Variants in TTK observed in about 807,000 individuals in gnomAD.
TTK encodes TTK protein kinase, also known as dual specificity protein kinase TTK.
In TTK, 59 loss-of-function variants were observed where a neutral mutation model predicts 117.3. The ratio of observed to expected loss-of-function variants is 0.50; its 90% confidence interval spans 0.41 to 0.62. The LOEUF is 0.62. Among genes scored for constraint, TTK ranks in the 20% least tolerant of loss-of-function variants. The pLI is 0.00. For synonymous variants in TTK, 302 were observed against 325.0 expected, an observed-to-expected ratio of 0.93 and a Z score of 0.76; for missense variants, 921 against 989.4, an observed-to-expected ratio of 0.93 and a Z score of 0.93.
At chr6:80,039,075 A>G (rs1767979543) in intron 18 of TTK, among the ~76,000 whole-genome samples, 1 of 152,086 alleles carries the variant, frequency 6.6e-6, no homozygotes, top group Admixed American at 6.6e-5. Context: ...TCATATAACT[A>G]ATTATTTACT....
intron 5 of TTK, 127 bp downstream of exon 5, chr6:80,011,084 A>G: frequency 3.3e-6 from 4 of 1,203,094 alleles, no homozygotes; most frequent in Non-Finnish European, 3.3e-6. Context: ...ATTGTAAAGG[A>G]GGTAAGACTG....
chr6:80,016,363 A>T (rs766086793), intron 10 of TTK, among the ~76,000 whole-genome samples: 15 of 152,168 alleles, frequency 9.9e-5, no homozygotes, highest in Non-Finnish European at 2.1e-4. Flanking sequence ...GTTCTTTGCA[A>T]TCATTGTATT....
chr6:80,039,793 AATTAC>A lies in TTK; in HGVS notation c.2231_2235del (p.Leu744CysfsTer4). 6.3e-7 allele frequency: 1 copy of A among 1,587,268 alleles called. No homozygotes were observed. The stretch of plus-strand genomic sequence containing the variant: ...CAGCAGATAATTAATCAGATTTCTA[AATTAC>A]ATGCCATAATTGATCCTAATCATGA... On this transcript the variant is annotated frameshift_variant, in exon 19 of 22. Transcript: ENST00000369798. LOFTEE classifies it high-confidence loss of function.
In TTK at chr6:80,041,008, A is replaced by G. The variant is rs144521497; in HGVS notation, c.2490+305A>G. ...ATAGTGTGTCTTTTAATTCAGCACCATTATTAATACAGCTTTTGAATTCAT... is the reference window on the plus strand; with the variant it reads ...ATAGTGTGTCTTTTAATTCAGCACCGTTATTAATACAGCTTTTGAATTCAT... On this transcript the variant is annotated intron_variant, in intron 21 of 21. Coordinates refer to ENST00000369798, the MANE Select transcript of TTK (RefSeq NM_003318.5). 8.0e-4 allele frequency among the ~76,000 whole-genome samples: 122 copies of G among 151,922 alleles called. 1 individual carries two copies. Among genetic ancestry groups the G allele is most frequent in the African/African-American group, 2.8e-3 (117 of 41,560 alleles).
At chr6:80,008,123 G>C in intron 3 of TTK, 92 bp downstream of exon 3, 4 of 1,385,008 alleles carry the variant, frequency 2.9e-6, no homozygotes, top group Non-Finnish European at 3.9e-6. Context: ...GCAGTATTGT[G>C]AGAAAATATT....
rs749099636 is a variant in TTK at position 80,011,726 on chromosome 6, TAG to T, written c.732_733del. On this transcript the variant is annotated splice_acceptor_variant, in intron 6 of 21. Transcript: ENST00000369798. LOFTEE classifies it high-confidence loss of function. ...AAATTGGGGGTATTTTCTTTCTGTT[TAG>T]AGAGAACATGCCACCACAAGATGCA... 1 of 1,612,372 alleles carries T rather than the reference TAG, an allele frequency of 6.2e-7. No individual in the cohort carries two copies. The highest frequency in any genetic ancestry group is 8.5e-7 in the Non-Finnish European group (1 of 1,179,078).
intron 14 of TTK, among the ~76,000 whole-genome samples, chr6:80,032,211 T>TTA (rs1334442981): frequency 6.6e-6 from 1 of 152,180 alleles, no homozygotes; most frequent in African/African-American, 2.4e-5. Flanking sequence ...CCAAATCTAA[T>TTA]TCTTAGCTTA....
intron 14 of TTK, among the ~76,000 whole-genome samples, chr6:80,032,659 C>T (rs1308165337): frequency 1.3e-5 from 2 of 151,510 alleles, no homozygotes; most frequent in Non-Finnish European, 2.9e-5. Flanking sequence ...GTGCCTCTTA[C>T]TCTCATACAC....
intron 10 of TTK, among the ~76,000 whole-genome samples, chr6:80,020,774 G>A (rs1219580443): frequency 1.3e-5 from 2 of 152,224 alleles, no homozygotes; most frequent in African/African-American, 4.8e-5. Context: ...TTCTTCCCTA[G>A]CGGGGAGAGG....
At chr6:80,009,619 T>C (rs3799497) in intron 4 of TTK, among the ~76,000 whole-genome samples, 44,363 of 151,858 alleles carry the variant, frequency 0.29, 7,921 homozygotes, top group East Asian at 0.63. Flanking sequence ...AACTCTTAAA[T>C]TGAGTTATCT....
intron 13 of TTK, among the ~76,000 whole-genome samples, chr6:80,030,717 C>T (rs956771045): frequency 6.6e-6 from 1 of 152,132 alleles, no homozygotes; most frequent in Non-Finnish European, 1.5e-5. Context: ...ATTCAGTCAC[C>T]TCTCACCAGG....
chr6:80,040,797 A>G (rs772834260), intron 21 of TTK, 94 bp downstream of exon 21: 111 of 1,038,810 alleles, frequency 1.1e-4, no homozygotes, highest in Non-Finnish European at 1.5e-4. Flanking sequence ...AGTTGGTCCA[A>G]TCATCAGATC....
intron 10 of TTK, among the ~76,000 whole-genome samples, chr6:80,021,715 A>G (rs930609818): frequency 1.4e-4 from 21 of 152,160 alleles, no homozygotes; most frequent in Non-Finnish European, 2.2e-4. Flanking sequence ...GGTTTGTGTC[A>G]TCTTGACTTC....
At position 80,011,916 on chromosome 6, in the gene TTK, C is replaced by T; in HGVS notation, c.832C>T (p.Leu278Phe). The T allele has an allele frequency of 6.2e-7, 1 of 1,612,454 alleles. No individual in the cohort carries two copies. The highest frequency in any genetic ancestry group is 8.5e-7 in the Non-Finnish European group (1 of 1,179,096). ...SCPFGRVPVNLLNSPDCDVKT... is the reference protein window; with the variant it reads ...SCPFGRVPVNFLNSPDCDVKT... ...CCCATTTGGAAGAGTCCCAGTTAAC[C>T]TTCTAAATAGCCCAGATTGTGATGT... Residue 278 changes from leucine to phenylalanine, a missense_variant, in exon 8 of 22, where the codon CTT becomes TTT. Coordinates refer to ENST00000369798, the MANE Select transcript of TTK (RefSeq NM_003318.5).
intron 13 of TTK, among the ~76,000 whole-genome samples, chr6:80,029,955 CAG>C (rs1019044229): frequency 1.6e-4 from 25 of 152,136 alleles, no homozygotes; most frequent in African/African-American, 5.1e-4. Flanking sequence ...AGGAAGAAGA[CAG>C]AGAAGGCACA....
chr6:80,016,471 A>G (rs967639903), intron 10 of TTK, among the ~76,000 whole-genome samples: 2 of 151,868 alleles, frequency 1.3e-5, no homozygotes, highest in Non-Finnish European at 2.9e-5. Context: ...ACTTTTGAAC[A>G]TCATTTCATA....
Position 80,011,498 on chromosome 6 carries a change from C to G in TTK, c.678C>G (p.Asn226Lys). The change falls in exon 6 of 22, where the codon AAC becomes AAG. Residue 226 changes from asparagine to lysine, a missense_variant. Asn to Lys is a moderately conservative substitution (Grantham distance 94, BLOSUM62 0). Coordinates refer to ENST00000369798, the MANE Select transcript of TTK (RefSeq NM_003318.5). ...SGSLGHLQNR[N>K]NSCDSRGQTT... is the part of the protein sequence containing the mutation. ...CACTTGGGCATTTACAGAATAGGAACAACAGTTGTGATTCCAGAGGACAGA... is the reference window on the plus strand; with the variant it reads ...CACTTGGGCATTTACAGAATAGGAAGAACAGTTGTGATTCCAGAGGACAGA... 1.2e-6 allele frequency: 2 copies of G among 1,610,476 alleles called. No individual in the cohort carries two copies. The highest frequency in any genetic ancestry group is 1.7e-6 in the Non-Finnish European group (2 of 1,178,518).
At chr6:80,027,709 T>A (rs1173271327) in intron 12 of TTK, among the ~76,000 whole-genome samples, 176 bp from the exon 13 acceptor site, 1 of 152,164 alleles carries the variant, frequency 6.6e-6, no homozygotes, top group African/African-American at 2.4e-5. Flanking sequence ...TTCCCCAAAA[T>A]TAAATATCCG....
At chr6:80,022,499 T>A (rs772242761) in intron 11 of TTK, 27 bp downstream of exon 11, 14 of 1,603,568 alleles carry the variant, frequency 8.7e-6, no homozygotes, top group Admixed American at 1.7e-5. Flanking sequence ...AGTACAATAT[T>A]GCTTTTTTGT....
Sources: allele counts gnomAD v4.1 joint callset (sites outside exome capture counted in the v4.1 genomes callset), GRCh38; gene constraint gnomAD v4.1.1; transcripts MANE v1.5; gene names NCBI Gene and HGNC (gene_info 2026-07-23, HGNC 2026-07-21).